ABCC6: variants seen among roughly 807,000 people sequenced by gnomAD.
The protein encoded by ABCC6 is ATP-binding cassette sub-family C member 6.
A neutral mutation model predicts 169.5 loss-of-function variants in ABCC6; 126 were observed. That is an observed-to-expected ratio of 0.74 (90% confidence interval 0.64 to 0.86). The LOEUF (loss-of-function observed/expected upper bound fraction) is 0.86. Among genes scored for constraint, ABCC6 ranks in the 40% least tolerant of loss-of-function variants. The probability of loss-of-function intolerance (pLI) is 0.00; values close to 1 mark genes in which losing one functional copy is unlikely to be tolerated. For synonymous variants in ABCC6, 752 were observed against 814.7 expected (o/e 0.92, Z 1.31); for missense variants, 1,733 against 1,927.2 (o/e 0.90, Z 1.89).
chr16:16,159,249 C>G (rs1453437186), intron 26 of ABCC6, among the ~76,000 whole-genome samples: 2 of 152,142 alleles, frequency 1.3e-5, no homozygotes, highest in Non-Finnish European at 2.9e-5. Flanking sequence ...CATGGGTGAC[C>G]TGCTTTCCTC....
chr16:16,186,252 T>A lies in ABCC6; in HGVS notation c.1867+872A>T, dbSNP rs1172841110. On this transcript the variant is annotated intron_variant, in intron 14 of 30. Transcript: ENST00000205557. Reference sequence around the variant, plus strand: ...GAGCTTGGTAAGTCTCATCGTGCAATGGTGCTTGAAATGCTGCTATTTTCC... The same window carrying A: ...GAGCTTGGTAAGTCTCATCGTGCAAAGGTGCTTGAAATGCTGCTATTTTCC... Among the ~76,000 whole-genome samples, 4 of 152,156 alleles carry A rather than the reference T, an allele frequency of 2.6e-5. No homozygotes were observed. The East Asian group carries it at 7.7e-4, about 29-fold the overall frequency.
chr16:16,177,758 CA>C, intron 18 of ABCC6, 132 bp from the exon 19 acceptor site: 1 of 1,093,622 alleles, frequency 9.1e-7, no homozygotes, highest in Non-Finnish European at 1.3e-6. Context: ...GCCTGGCTGA[CA>C]CGGCTAAGCC....
intron 4 of ABCC6, among the ~76,000 whole-genome samples, chr16:16,215,988 T>C (rs2048857924): frequency 6.6e-6 from 1 of 152,176 alleles, no homozygotes; most frequent in Non-Finnish European, 1.5e-5. Flanking sequence ...GGCTTGATTT[T>C]GGCTCACTGC....
chr16:16,211,783 T>C (rs954890675), intron 6 of ABCC6, among the ~76,000 whole-genome samples: 1 of 152,110 alleles, frequency 6.6e-6, no homozygotes, highest in Non-Finnish European at 1.5e-5. Flanking sequence ...GCTTAGCACA[T>C]AGTAGGTGCC....
chr16:16,213,992 G>C (rs2048750478), intron 5 of ABCC6, among the ~76,000 whole-genome samples: 3 of 148,918 alleles, frequency 2.0e-5, no homozygotes, highest in South Asian at 4.3e-4. Context: ...GCATAGCGGG[G>C]TTTGGCAAAC....
intron 23 of ABCC6, 119 bp downstream of exon 23, chr16:16,165,504 A>T: frequency 9.3e-7 from 1 of 1,073,758 alleles, no homozygotes; most frequent in Non-Finnish European, 1.4e-6. Flanking sequence ...TGGGAATTCT[A>T]GGAACAGCCC....
intron 24 of ABCC6, among the ~76,000 whole-genome samples, chr16:16,162,076 G>A (rs941318512): frequency 2.6e-5 from 4 of 152,144 alleles, no homozygotes; most frequent in African/African-American, 7.2e-5. Flanking sequence ...CATGTAAGAC[G>A]TGCCTTGCTT....
At chr16:16,157,881 C>G in intron 26 of ABCC6, 72 bp from the exon 27 acceptor site, 5 of 1,519,370 alleles carry the variant, frequency 3.3e-6, no homozygotes, top group Non-Finnish European at 4.4e-6. Context: ...CCACCTCTAT[C>G]AGCTTCAGTT....
chr16:16,179,989 C>T (rs1480400636), intron 17 of ABCC6, among the ~76,000 whole-genome samples: 5 of 152,216 alleles, frequency 3.3e-5, no homozygotes, highest in African/African-American at 9.6e-5. Flanking sequence ...ATAGTCCCTT[C>T]TGGGGATGAT....
At position 16,149,868 on chromosome 16, in the gene ABCC6, G is replaced by C. The variant is rs1249056200; in HGVS notation, c.*265C>G. 11 of 568,058 alleles carry C rather than the reference G, an allele frequency of 1.9e-5. No homozygotes were observed. The highest frequency in any genetic ancestry group is 5.4e-5 in the Admixed American group (2 of 36,910). 35.2% of individuals were successfully genotyped at this position (568,058 alleles called of 1,614,324 possible). On this transcript the variant is annotated 3_prime_UTR_variant, in exon 31 of 31. Coordinates refer to ENST00000205557, the MANE Select transcript of ABCC6 (RefSeq NM_001171.6). ...CCCCCAGGTGAGTCCAGAGTACAGC[G>C]GGGCTGAGAGTCGCTGTTGACATTG...
chr16:16,208,801 T>G lies in ABCC6; in HGVS notation c.721A>C (p.Arg241=), dbSNP rs2048490936. ...ACAAGTTCTTCTGAGGAGTTTTCTC[T>G]CCCAAGCGACCAGAGGTCTTTTGGT... is the stretch of plus-strand genomic sequence containing the variant. ...LRPKDLWSLG[R]ENSSEELVSR... The change falls in exon 7 of 31, where the codon AGA becomes CGA. Residue 241 remains arginine (R), a synonymous_variant. Transcript: ENST00000205557. 1 of 1,613,100 alleles carries G rather than the reference T, an allele frequency of 6.2e-7. No homozygotes were observed. The highest frequency in any genetic ancestry group is 1.3e-5 in the African/African-American group (1 of 74,716).
intron 13 of ABCC6, among the ~76,000 whole-genome samples, chr16:16,187,884 G>A (rs1223210910): frequency 6.7e-6 from 1 of 149,432 alleles, no homozygotes; most frequent in African/African-American, 2.5e-5. Context: ...GTGACAGAGT[G>A]AGACACTGTC....
chr16:16,214,548 C>T, intron 4 of ABCC6, 99 bp from the exon 5 acceptor site: 3 of 1,545,034 alleles, frequency 1.9e-6, no homozygotes, highest in Non-Finnish European at 1.8e-6. Flanking sequence ...ACTCTGGGGA[C>T]CAGGGCAAGA....
chr16:16,170,774 C>CCACGTGTGGTGGCAGG (rs1195923247), intron 21 of ABCC6, among the ~76,000 whole-genome samples: 2 of 151,718 alleles, frequency 1.3e-5, no homozygotes, highest in African/African-American at 4.8e-5. Flanking sequence ...CAAAAATTAG[C>CCACGTGTGGTGGCAGG]CACGTGTGGT....
At chr16:16,178,142 AT>A (rs2047345528) in intron 18 of ABCC6, among the ~76,000 whole-genome samples, 1 of 152,056 alleles carries the variant, frequency 6.6e-6, no homozygotes, top group South Asian at 2.1e-4. Flanking sequence ...CCTGGCCAAC[AT>A]GGTGAAACCC....
At chr16:16,163,348 C>G (rs569982478) in intron 23 of ABCC6, among the ~76,000 whole-genome samples, 156 bp from the exon 24 acceptor site, 1 of 152,292 alleles carries the variant, frequency 6.6e-6, no homozygotes, top group South Asian at 2.1e-4. Context: ...TCTCTGGGTT[C>G]TCATTTCCTT....
intron 27 of ABCC6, chr16:16,155,504 C>G (rs1453140147): frequency 5.7e-6 from 1 of 176,576 alleles, no homozygotes; most frequent in African/African-American, 2.4e-5. Flanking sequence ...GTCTATCCGT[C>G]TCTCGTTTCT....
intron 13 of ABCC6, 64 bp from the exon 14 acceptor site, chr16:16,187,275 G>T: frequency 7.3e-7 from 1 of 1,363,816 alleles, no homozygotes; most frequent in Non-Finnish European, 1.0e-6. Flanking sequence ...TTTGGGTGTC[G>T]GTGTCTCAAG....
intron 23 of ABCC6, among the ~76,000 whole-genome samples, chr16:16,165,307 G>A (rs914697173): frequency 6.6e-6 from 1 of 152,218 alleles, no homozygotes; most frequent in African/African-American, 2.4e-5. Flanking sequence ...CCAGCTACTT[G>A]AGAGGCTGAG....
Sources: gnomAD v4.1 joint callset for allele counts (sites outside exome capture counted in the v4.1 genomes callset) on GRCh38, gnomAD v4.1.1 for gene constraint, MANE v1.5 for transcripts, NCBI Gene and HGNC (gene_info 2026-07-23, HGNC 2026-07-21) for gene names.